The following THAP4 variants were observed in gnomAD, a reference collection of about 807,000 sequenced individuals.
THAP4 encodes peroxynitrite isomerase THAP4.
THAP4 carries 18 observed loss-of-function variants against 48.1 expected under a neutral mutation model. That is an observed-to-expected ratio of 0.37 (90% CI 0.26 to 0.56). The LOEUF (loss-of-function observed/expected upper bound fraction) is 0.56. Among genes scored for constraint, THAP4 ranks in the 20% least tolerant of loss-of-function variants. The pLI, the probability that THAP4 is intolerant of heterozygous loss-of-function variation, is 0.78. For synonymous variants in THAP4, 345 were observed against 324.9 expected (o/e 1.06, Z -0.66); for missense variants, 656 against 774.9 (o/e 0.85, Z 1.82).
intron 2 of THAP4, among the ~76,000 whole-genome samples, chr2:241,627,132 T>C (rs968513566): frequency 6.6e-6 from 1 of 152,228 alleles, no homozygotes; most frequent in Non-Finnish European, 1.5e-5. Flanking sequence ...ATTAACATCT[T>C]GCATTAGTGT....
chr2:241,620,236 TGAG>T (rs1268893222), intron 2 of THAP4, among the ~76,000 whole-genome samples: 4 of 38,936 alleles, frequency 1.0e-4, no homozygotes, highest in Non-Finnish European at 9.4e-5. Context: ...GAGTGAGGGG[TGAG>T]GAGTGAGTGA....
At position 241,633,031 on chromosome 2, in the gene THAP4, G is replaced by A. The variant is rs766458150; in HGVS notation, c.1126C>T (p.Leu376=). 9.9e-6 allele frequency: 16 copies of A among 1,613,778 alleles called. No homozygotes were observed. Among genetic ancestry groups the A allele is most frequent in the Non-Finnish European group, 1.3e-5 (15 of 1,180,034 alleles). The change falls in exon 2 of 6, where the codon CTG becomes TTG. Residue 376 remains leucine (L), a synonymous_variant. Transcript: ENST00000407315. The surrounding 1 kb of genome is among the most constrained non-coding windows in gnomAD (Gnocchi z 7.5). ...VEKKNGELKS[L]RQRVSRSDSQ... ...TCGGAGCGGCTGACCCTCTGCCGCA[G>A]GCTCTTCAGCTCGCCGTTCTTCTTC...
chr2:241,594,908 A>ATT (rs2067029515), intron 5 of THAP4, among the ~76,000 whole-genome samples: 1 of 152,234 alleles, frequency 6.6e-6, no homozygotes, highest in African/African-American at 2.4e-5. Context: ...GTGCCACAGA[A>ATT]GATAAATGTT....
upstream of THAP4, chr2:241,637,344 C>T: frequency 7.8e-7 from 1 of 1,290,070 alleles, no homozygotes; most frequent in Non-Finnish European, 1.0e-6. Context: ...GACATGGGCG[C>T]GCCGAGCACG....
At chr2:241,619,001 G>A (rs1466609190) in intron 2 of THAP4, among the ~76,000 whole-genome samples, 2 of 152,254 alleles carry the variant, frequency 1.3e-5, no homozygotes, top group South Asian at 2.1e-4. Context: ...CCAGTCTTCC[G>A]TCTCACCCAA....
At position 241,633,296 on chromosome 2, in the gene THAP4, T is replaced by G. The variant is rs760546356; in HGVS notation, c.861A>C (p.Ser287=). The G allele has an allele frequency of 3.7e-6, 6 of 1,612,124 alleles. No individual in the cohort carries two copies. Among genetic ancestry groups the G allele is most frequent in the Non-Finnish European group, 5.1e-6 (6 of 1,179,974 alleles). ...GCTTCTGCGGTGTCGCGGTAAGTGA[T>G]GAGCTGGGAGGGCTCTGGGCCAGGC... ...DKGLAQSPPS[S]SLTATPQKPS... Residue 287 remains serine (S), a synonymous_variant, in exon 2 of 6, where the codon TCA becomes TCC. Coordinates refer to ENST00000407315, the MANE Select transcript of THAP4 (RefSeq NM_015963.6). This position sits in a 1 kb window ranked among gnomAD's most constrained non-coding sequence, Gnocchi z 7.5.
intron 1 of THAP4, among the ~76,000 whole-genome samples, chr2:241,634,699 G>A (rs973883173): frequency 1.3e-5 from 2 of 152,248 alleles, no homozygotes; most frequent in Non-Finnish European, 2.9e-5. Context: ...GTGCTCACCT[G>A]CAGTTCCAGT....
At chr2:241,625,155 C>A (rs1010430637) in intron 2 of THAP4, among the ~76,000 whole-genome samples, 3 of 151,986 alleles carry the variant, frequency 2.0e-5, no homozygotes, top group African/African-American at 7.3e-5. Flanking sequence ...TCCAGCAGGG[C>A]CCTAATACCA....
Position 241,637,007 on chromosome 2 carries a change from C to T in THAP4, c.11G>A (p.Cys4Tyr). 3 of 1,296,686 alleles carry T rather than the reference C, an allele frequency of 2.3e-6. No individual in the cohort carries two copies. Among genetic ancestry groups the T allele is most frequent in the African/African-American group, 1.6e-5 (1 of 63,786 alleles). The allele number at this position is 1,296,686 out of a possible 1,614,324, so 80.3% of individuals were successfully genotyped here. Reference protein sequence around the residue: MVICCAAVNCSNRQ... With the variant: MVIYCAAVNCSNRQ... ...GTTGGAGCAGTTCACGGCCGCACAG[C>T]AGATCACCATCGCGGGCCTTGGCCC... is the stretch of plus-strand genomic sequence containing the variant. The change falls in exon 1 of 6, where the codon TGC (cysteine) becomes TAC (tyrosine). Residue 4 changes from cysteine to tyrosine, a missense_variant. This residue lies in a region of THAP4 where 59 missense variants were observed against 45.8 expected (regional missense o/e 1.29). Transcript: ENST00000407315.
At chr2:241,615,139 T>G (rs1175054801) in intron 2 of THAP4, among the ~76,000 whole-genome samples, 17 of 151,948 alleles carry the variant, frequency 1.1e-4, no homozygotes, top group Admixed American at 1.1e-3. Context: ...TGATTCCAAT[T>G]AGATGAAATT....
At position 241,623,021 on chromosome 2, in the gene THAP4, C is replaced by T. The variant is rs112860858; in HGVS notation, c.1240+9896G>A. ...TCACAATGTCAGGAGATCGAGACCA[C>T]CCTGGCCAACATGGTGAAACCCCGT... On this transcript the variant is annotated intron_variant, in intron 2 of 5. Transcript: ENST00000407315. Among the ~76,000 whole-genome samples the T allele has an allele frequency of 3.3e-5, 5 of 151,602 alleles. No homozygotes were observed. The South Asian group carries it at 8.3e-4, about 25-fold the overall frequency.
intron 2 of THAP4, among the ~76,000 whole-genome samples, chr2:241,614,156 A>AG (rs2067311107): frequency 6.7e-6 from 1 of 150,178 alleles, no homozygotes; most frequent in African/African-American, 2.4e-5. Flanking sequence ...CCCTGCCTTG[A>AG]GAAAAAAAAA....
chr2:241,601,770 C>T lies in THAP4; in HGVS notation c.1614+126G>A, dbSNP rs2067115776. On this transcript the variant is annotated intron_variant, in intron 5 of 5. Coordinates refer to ENST00000407315, the MANE Select transcript of THAP4 (RefSeq NM_015963.6). The surrounding 1 kb of genome is among the most constrained non-coding windows in gnomAD (Gnocchi z 4.0). Reference sequence around the variant, plus strand: ...GGTCCGAGAAGGGAAAAGAAGGAGACAGTGAAGACAGGCCTGTGAGACACA... The same window carrying T: ...GGTCCGAGAAGGGAAAAGAAGGAGATAGTGAAGACAGGCCTGTGAGACACA... 3 of 1,520,754 alleles carry T rather than the reference C, an allele frequency of 2.0e-6. No individual in the cohort carries two copies. The highest frequency in any genetic ancestry group is 2.7e-6 in the Non-Finnish European group (3 of 1,123,130). The allele number at this position is 1,520,754 out of a possible 1,614,324, so 94.2% of individuals were successfully genotyped here. A position where few individuals can be genotyped will look rare whatever the true frequency, so the allele number is the denominator to read the frequency against.
Position 241,637,133 on chromosome 2 carries a change from G to A in THAP4, c.-116C>T, listed in dbSNP as rs2125104501. 1.0e-6 allele frequency: 1 copy of A among 994,422 alleles called. No individual in the cohort carries two copies. Among genetic ancestry groups the A allele is most frequent in the South Asian group, 4.6e-5 (1 of 21,944 alleles). The allele number at this position is 994,422 out of a possible 1,614,324, so 61.6% of individuals were successfully genotyped here. A position where few individuals can be genotyped will look rare whatever the true frequency, so the allele number is the denominator to read the frequency against. On this transcript the variant is annotated 5_prime_UTR_variant, in exon 1 of 6. Transcript: ENST00000407315. Reference sequence around the variant, plus strand: ...CACGGCTCGGGACGTGGGCCGGCCCGCGGCGTCCGCGCCGTACGGCAAGAT... The same window carrying A: ...CACGGCTCGGGACGTGGGCCGGCCCACGGCGTCCGCGCCGTACGGCAAGAT...
chr2:241,633,234 G>A lies in THAP4; in HGVS notation c.923C>T (p.Thr308Ile). ...QSPSAPPADV[T>I]PKPATEAVQS... ...CACGGCTTCCGTGGCTGGCTTTGGG[G>A]TGACGTCGGCAGGAGGGGCAGAGGG... Residue 308 changes from threonine to isoleucine, a missense_variant, in exon 2 of 6, where the codon ACC becomes ATC. Physicochemically the swap from Thr to Ile is moderately conservative, Grantham distance 89. This residue lies in a region of THAP4 where 391 missense variants were observed against 412.4 expected (regional missense o/e 0.95). Coordinates refer to ENST00000407315, the MANE Select transcript of THAP4 (RefSeq NM_015963.6). The surrounding 1 kb of genome is among the most constrained non-coding windows in gnomAD (Gnocchi z 7.5). The A allele has an allele frequency of 6.2e-7, 1 of 1,609,656 alleles. No individual in the cohort carries two copies. The highest frequency in any genetic ancestry group is 8.5e-7 in the Non-Finnish European group (1 of 1,177,916).
chr2:241,593,573 T>C (rs1226952697), intron 5 of THAP4, among the ~76,000 whole-genome samples: 1 of 152,136 alleles, frequency 6.6e-6, no homozygotes, highest in African/African-American at 2.4e-5. Context: ...CAGCCTGCCT[T>C]AACACCCCAC....
intron 2 of THAP4, among the ~76,000 whole-genome samples, chr2:241,631,729 T>A (rs2067563999): frequency 6.6e-6 from 1 of 152,186 alleles, no homozygotes; most frequent in East Asian, 1.9e-4. Flanking sequence ...CCTCCCGAAG[T>A]GCTGAGATTA....
intron 2 of THAP4, 28 bp downstream of exon 2, chr2:241,632,889 C>G (rs2067583297): frequency 1.3e-6 from 2 of 1,528,954 alleles, no homozygotes; most frequent in Non-Finnish European, 8.8e-7. Context: ...GGGAAGGGAA[C>G]ATGGGTACGC....
At chr2:241,604,046 C>T (rs2067150156) in intron 3 of THAP4, among the ~76,000 whole-genome samples, 1 of 151,684 alleles carries the variant, frequency 6.6e-6, no homozygotes, top group Admixed American at 6.6e-5. Flanking sequence ...TTTCACCAAC[C>T]TTATGAGTTT....
Sources: gnomAD v4.1 joint callset for allele counts (sites outside exome capture counted in the v4.1 genomes callset) on GRCh38, gnomAD v4.1.1 for gene constraint, gnomAD v4.1.1 regional missense constraint, Gnocchi (gnomAD v3.1) non-coding constraint, MANE v1.5 for transcripts, NCBI Gene and HGNC (gene_info 2026-07-23, HGNC 2026-07-21) for gene names.